The following VXN variants were observed in gnomAD, a reference collection of about 807,000 sequenced individuals.
VXN encodes vexin.
Under a neutral mutation model 23.1 loss-of-function variants are expected in VXN, and 7 were observed. The ratio of observed to expected loss-of-function variants is 0.30; its 90% confidence interval spans 0.17 to 0.57. The LOEUF is 0.57. VXN is among the 20% of genes least tolerant of loss of function. The pLI is 0.91. For synonymous variants in VXN, 120 were observed against 105.8 expected (o/e 1.13, Z -0.83); for missense variants, 238 against 272.6 (o/e 0.87, Z 0.89).
chr8:66,498,755 C>A, intron 2 of VXN: 1 of 434,006 alleles, frequency 2.3e-6, no homozygotes, highest in Admixed American at 2.5e-5. Flanking sequence ...GATTTCATCA[C>A]ACTGCTCAGA....
intron 1 of VXN, among the ~76,000 whole-genome samples, chr8:66,495,359 C>T (rs1194372249): frequency 6.6e-6 from 1 of 152,236 alleles, no homozygotes; most frequent in Non-Finnish European, 1.5e-5. Context: ...ACTGCTGCCA[C>T]TTCTGCACTG....
intron 2 of VXN, among the ~76,000 whole-genome samples, chr8:66,497,212 A>G (rs1289398772): frequency 6.6e-6 from 1 of 152,220 alleles, no homozygotes; most frequent in African/African-American, 2.4e-5. Flanking sequence ...TTAATTCCTC[A>G]GAGCATAGGC....
chr8:66,498,702 G>C (rs577457665), intron 2 of VXN: 2 of 370,774 alleles, frequency 5.4e-6, no homozygotes, highest in African/African-American at 4.2e-5. Context: ...CCTGGACAAA[G>C]GGATGATTCA....
chr8:66,508,839 AC>A (rs1407796494), intron 3 of VXN, among the ~76,000 whole-genome samples: 18 of 152,092 alleles, frequency 1.2e-4, no homozygotes, highest in African/African-American at 4.1e-4. Context: ...ATCTCCACAA[AC>A]AAAAATTAGC....
In VXN at chr8:66,516,149, C is replaced by T. The variant is rs1807893033; in HGVS notation, c.*73C>T. The T allele has an allele frequency of 4.4e-6, 6 of 1,362,948 alleles. No homozygotes were observed. The highest frequency in any genetic ancestry group is 5.9e-6 in the Non-Finnish European group (6 of 1,020,016). 84.4% of individuals were successfully genotyped at this position (1,362,948 alleles called of 1,614,324 possible). A position where few individuals can be genotyped will look rare whatever the true frequency, so the allele number is the denominator to read the frequency against. Reference sequence around the variant, plus strand: ...AGAGGAAAAACCTTCAGGATTGAAACTGAGCCACACGCACCTCTGCTAGTA... The same window carrying T: ...AGAGGAAAAACCTTCAGGATTGAAATTGAGCCACACGCACCTCTGCTAGTA... On this transcript the variant is annotated 3_prime_UTR_variant, in exon 6 of 6. Coordinates refer to ENST00000305454, the MANE Select transcript of VXN (RefSeq NM_152765.4).
rs531660507 is a variant in VXN, at chr8:66,501,724, C to T, written c.127-3651C>T. On this transcript the variant is annotated intron_variant, in intron 2 of 5. Transcript: ENST00000305454. ...TGCTTGTAAAACTCAGCCCCAGCCA[C>T]ACAGACCATTCAAATTAGAAGAGAG... Among the ~76,000 whole-genome samples the T allele has an allele frequency of 7.2e-5, 11 of 152,298 alleles. No homozygotes were observed. In the Middle Eastern group the frequency reaches 0.017, roughly 235 times the overall value.
intron 2 of VXN, among the ~76,000 whole-genome samples, chr8:66,502,013 C>A (rs1807697298): frequency 6.6e-6 from 1 of 152,218 alleles, no homozygotes; most frequent in Non-Finnish European, 1.5e-5. Flanking sequence ...ATCCCTTAGA[C>A]TACCATGTGA....
intron 4 of VXN, among the ~76,000 whole-genome samples, chr8:66,510,615 G>A (rs1452696510): frequency 6.6e-6 from 1 of 152,182 alleles, no homozygotes; most frequent in Non-Finnish European, 1.5e-5. Context: ...CATAGACTGG[G>A]TGGCTAAAAC....
intron 2 of VXN, among the ~76,000 whole-genome samples, chr8:66,496,893 A>T (rs1807632517): frequency 1.3e-5 from 2 of 150,220 alleles, no homozygotes; most frequent in South Asian, 2.1e-4. Flanking sequence ...ATAAAATACT[A>T]TTTTTTTTTT....
chr8:66,513,789 T>A, intron 5 of VXN, 152 bp downstream of exon 5: 1 of 600,540 alleles, frequency 1.7e-6, no homozygotes, highest in Non-Finnish European at 2.9e-6. Flanking sequence ...ATGAGGCCAA[T>A]AATCCTGGGT....
At position 66,517,885 on chromosome 8, in the gene VXN, T is replaced by C. The variant is rs1807915487; in HGVS notation, c.*1809T>C. On this transcript the variant is annotated 3_prime_UTR_variant, in exon 6 of 6. Transcript: ENST00000305454. Reference sequence around the variant, plus strand: ...CTGTGCCTATGTCTTGCTTTTTTGCTGAGTTCCCTATTTCCATATCTCCAG... The same window carrying C: ...CTGTGCCTATGTCTTGCTTTTTTGCCGAGTTCCCTATTTCCATATCTCCAG... 1 of 152,262 alleles carries C rather than the reference T, an allele frequency of 6.6e-6. No homozygotes were observed. Among genetic ancestry groups the C allele is most frequent in the Admixed American group, 6.5e-5 (1 of 15,288 alleles). 9.4% of individuals were successfully genotyped at this position (152,262 alleles called of 1,614,324 possible). A position where few individuals can be genotyped will look rare whatever the true frequency, so the allele number is the denominator to read the frequency against.
At chr8:66,505,638 C>G in intron 3 of VXN, 110 bp downstream of exon 3, 1 of 1,304,654 alleles carries the variant, frequency 7.7e-7, no homozygotes, top group Non-Finnish European at 1.0e-6. Flanking sequence ...CGGCCTCAGT[C>G]GCGCCAGGTG....
At chr8:66,496,412 C>T (rs1807626693) in intron 1 of VXN, 25 bp from the exon 2 acceptor site, 1 of 1,612,824 alleles carries the variant, frequency 6.2e-7, no homozygotes, top group East Asian at 2.2e-5. Flanking sequence ...TGTCTAAAAC[C>T]ATTTCTTTCT....
intron 5 of VXN, among the ~76,000 whole-genome samples, chr8:66,515,199 G>A (rs1337512866): frequency 6.6e-6 from 1 of 152,178 alleles, no homozygotes; most frequent in Non-Finnish European, 1.5e-5. Flanking sequence ...TTCAGTCCAC[G>A]TGGCTGCGTT....
chr8:66,512,944 G>A (rs1405385985), intron 4 of VXN, among the ~76,000 whole-genome samples: 1 of 152,192 alleles, frequency 6.6e-6, no homozygotes, highest in Non-Finnish European at 1.5e-5. Context: ...GAGTCAATCT[G>A]CCCTGCAAGG....
At chr8:66,501,629 T>C (rs1807693305) in intron 2 of VXN, among the ~76,000 whole-genome samples, 1 of 152,170 alleles carries the variant, frequency 6.6e-6, no homozygotes, top group African/African-American at 2.4e-5. Context: ...AGCACAGGAG[T>C]GCTCTCTGGC....
At position 66,493,860 on chromosome 8, in the gene VXN, T is replaced by C. The variant is rs528729794; in HGVS notation, c.70+142T>C. On this transcript the variant is annotated intron_variant, in intron 1 of 5. Coordinates refer to ENST00000305454, the MANE Select transcript of VXN (RefSeq NM_152765.4). ...CTCGGTTTTGATGGTATTTGATTTT[T>C]TGGAGGGGGGAAAGAGGCACAAGGA... The C allele has an allele frequency of 1.2e-4, 82 of 667,668 alleles. No homozygotes were observed. The African/African-American group carries it at 1.3e-3, about 11-fold the overall frequency. The allele number at this position is 667,668 out of a possible 1,614,324, so 41.4% of individuals were successfully genotyped here.
At position 66,516,179 on chromosome 8, in the gene VXN, G is replaced by A. The variant is rs1398601517; in HGVS notation, c.*103G>A. ...CCACACGCACCTCTGCTAGTAGCTG[G>A]TCCAAACCCATTATCCTCCCTCACT... On this transcript the variant is annotated 3_prime_UTR_variant, in exon 6 of 6. Coordinates refer to ENST00000305454, the MANE Select transcript of VXN (RefSeq NM_152765.4). 5.7e-6 allele frequency: 6 copies of A among 1,058,488 alleles called. No homozygotes were observed. The highest frequency in any genetic ancestry group is 7.9e-6 in the Non-Finnish European group (6 of 761,358). The allele number at this position is 1,058,488 out of a possible 1,614,324, so 65.6% of individuals were successfully genotyped here. A position where few individuals can be genotyped will look rare whatever the true frequency, so the allele number is the denominator to read the frequency against.
At chr8:66,495,016 A>G (rs1586513928) in intron 1 of VXN, 1 of 152,366 alleles carries the variant, frequency 6.6e-6, no homozygotes, top group East Asian at 1.9e-4. Flanking sequence ...CTGAAAAATT[A>G]TATATGTAAG....
Sources: allele counts gnomAD v4.1 joint callset (sites outside exome capture counted in the v4.1 genomes callset), GRCh38; gene constraint gnomAD v4.1.1; transcripts MANE v1.5; gene names NCBI Gene and HGNC (gene_info 2026-07-23, HGNC 2026-07-21).